The following CLCC1 variants were observed in gnomAD, a reference collection of about 807,000 sequenced individuals.
CLCC1 encodes chloride channel CLIC like 1, also known as chloride channel CLIC-like protein 1.
CLCC1 carries 39 observed loss-of-function variants against 63.3 expected under a neutral mutation model. The observed-to-expected ratio is 0.62, with a 90% CI of 0.48 to 0.81. CLCC1 has a LOEUF of 0.81. CLCC1 is among the 30% of genes least tolerant of loss of function. The probability of loss-of-function intolerance (pLI) is 0.00; values close to 1 mark genes in which losing one functional copy is unlikely to be tolerated. For synonymous variants in CLCC1, 217 were observed against 239.8 expected (o/e 0.90, Z 0.88); for missense variants, 549 against 669.4 (o/e 0.82, Z 1.98).
At chr1:108,944,656 G>A (rs1220949005) in intron 5 of CLCC1, among the ~76,000 whole-genome samples, 1 of 150,222 alleles carries the variant, frequency 6.7e-6, no homozygotes, top group Non-Finnish European at 1.5e-5. Context: ...TTTAGATGGA[G>A]TCTCACTCTG....
chr1:108,954,172 G>A (rs563688492), intron 2 of CLCC1, among the ~76,000 whole-genome samples: 2 of 151,180 alleles, frequency 1.3e-5, no homozygotes, highest in Admixed American at 6.6e-5. Context: ...GGATGGATAC[G>A]GTGAGAGGTA....
At chr1:108,962,916 T>TTTG (rs145598856) in intron 1 of CLCC1, among the ~76,000 whole-genome samples, 2 of 152,120 alleles carry the variant, frequency 1.3e-5, no homozygotes, top group Admixed American at 6.5e-5. Context: ...TGTGTCCGTT[T>TTTG]TTGTTGTTGT....
intron 5 of CLCC1, among the ~76,000 whole-genome samples, chr1:108,945,677 T>G (rs1199514929): frequency 6.6e-6 from 1 of 152,248 alleles, no homozygotes; most frequent in Non-Finnish European, 1.5e-5. Flanking sequence ...AGTTTTCAGA[T>G]AGCCTAAAAT....
At chr1:108,957,468 CCACT>C (rs1177103143) in intron 2 of CLCC1, among the ~76,000 whole-genome samples, 3 of 151,440 alleles carry the variant, frequency 2.0e-5, no homozygotes, top group Admixed American at 6.6e-5. Context: ...GGAAGGCCAC[CCACT>C]AAGTGGGAAT....
chr1:108,962,870 C>A (rs1258057055), intron 1 of CLCC1, among the ~76,000 whole-genome samples: 357 of 133,692 alleles, frequency 2.7e-3, no homozygotes, highest in South Asian at 3.3e-3. Flanking sequence ...GACTCCGTCT[C>A]AAAAAAAAAA....
At chr1:108,934,988 G>A in intron 11 of CLCC1, 46 bp from the exon 12 acceptor site, 1 of 1,525,130 alleles carries the variant, frequency 6.6e-7, no homozygotes. Flanking sequence ...GTAATGTGAA[G>A]TCTTAGTAAT....
chr1:108,952,243 A>G (rs1247812598), intron 2 of CLCC1, among the ~76,000 whole-genome samples: 1 of 152,102 alleles, frequency 6.6e-6, no homozygotes, highest in Non-Finnish European at 1.5e-5. Flanking sequence ...CAATGGCGCA[A>G]TCTCGGCTCA....
rs1651627427 is a variant in CLCC1, at chr1:108,929,908, A to T, written c.*2639T>A. ...GCAAAATAATGCTTTGTTGGAGTTT[A>T]AAAATTCAGGGAAAAAATCGGCAGA... On this transcript the variant is annotated 3_prime_UTR_variant, in exon 13 of 13. Coordinates refer to ENST00000369969, the MANE Select transcript of CLCC1 (RefSeq NM_001377458.1). The T allele has an allele frequency of 6.2e-7, 1 of 1,613,534 alleles. No homozygotes were observed. Among genetic ancestry groups the T allele is most frequent in the Non-Finnish European group, 8.5e-7 (1 of 1,179,568 alleles).
Position 108,934,834 on chromosome 1 carries a change from A to G in CLCC1, c.1492T>C (p.Ser498Pro), listed in dbSNP as rs1400836534. 1 of 1,614,066 alleles carries G rather than the reference A, an allele frequency of 6.2e-7. No individual in the cohort carries two copies. Among genetic ancestry groups the G allele is most frequent in the Admixed American group, 1.7e-5 (1 of 60,008 alleles). ...TESSQSAKPVSGQDTSGNTEG... is the reference protein window; with the variant it reads ...TESSQSAKPVPGQDTSGNTEG... ...GTATTCCCTGATGTGTCTTGGCCAGAGACAGGCTTGGCCGACTGGCTGCTT... is the reference window on the plus strand; with the variant it reads ...GTATTCCCTGATGTGTCTTGGCCAGGGACAGGCTTGGCCGACTGGCTGCTT... Residue 498 changes from serine (S) to proline (P), a missense_variant, in exon 12 of 13, where the codon TCT becomes CCT. Physicochemically the swap from Ser to Pro is moderately conservative, Grantham distance 74. Coordinates refer to ENST00000369969, the MANE Select transcript of CLCC1 (RefSeq NM_001377458.1).
At chr1:108,941,938 A>T (rs957686234) in intron 7 of CLCC1, among the ~76,000 whole-genome samples, 1 of 152,168 alleles carries the variant, frequency 6.6e-6, no homozygotes, top group Non-Finnish European at 1.5e-5. Flanking sequence ...ATAGGAAAAC[A>T]TATTATTTGT....
At chr1:108,933,173 C>T (rs373653336) in intron 12 of CLCC1, 6 of 130,284 alleles carry the variant, frequency 4.6e-5, no homozygotes, top group South Asian at 5.5e-4. Context: ...GTTACAGGCA[C>T]GTAAGTAACA....
rs1557884949 is a variant in CLCC1 at position 108,929,986 on chromosome 1, AATCT to A, written c.*2557_*2560del. On this transcript the variant is annotated 3_prime_UTR_variant, in exon 13 of 13. Transcript: ENST00000369969. Reference sequence around the variant, plus strand: ...TTCCTTTCAAACACGGTAAGGAAACAATCTATTACTTTTTTCCTTAAAAGGAGAA... The same window carrying A: ...TTCCTTTCAAACACGGTAAGGAAACAATTACTTTTTTCCTTAAAAGGAGAA... The A allele has an allele frequency of 6.4e-7, 1 of 1,550,920 alleles. No individual in the cohort carries two copies. Among genetic ancestry groups the A allele is most frequent in the Non-Finnish European group, 8.9e-7 (1 of 1,127,672 alleles).
chr1:108,954,817 CGTGTGTGTGTGTGTGTGTGTGT>C (rs58482013), intron 2 of CLCC1, among the ~76,000 whole-genome samples: 1 of 140,520 alleles, frequency 7.1e-6, no homozygotes, highest in Non-Finnish European at 1.5e-5. Flanking sequence ...ACTGTCTTTG[CGTGTGTGTGTGTGTGTGTGTGT>C]GTGTGTGTGT....
In CLCC1 at chr1:108,930,163, T is replaced by G; in HGVS notation, c.*2384A>C. Reference sequence around the variant, plus strand: ...AAGGTGCTTCATCGTCTGTGATTACTGCTTGGGATGTGTTCTTTGGCAGCT... The same window carrying G: ...AAGGTGCTTCATCGTCTGTGATTACGGCTTGGGATGTGTTCTTTGGCAGCT... On this transcript the variant is annotated 3_prime_UTR_variant, in exon 13 of 13. Coordinates refer to ENST00000369969, the MANE Select transcript of CLCC1 (RefSeq NM_001377458.1). The G allele has an allele frequency of 3.9e-6, 2 of 508,686 alleles. No individual in the cohort carries two copies. The highest frequency in any genetic ancestry group is 5.2e-4 in the Middle Eastern group (1 of 1,932). 31.5% of individuals were successfully genotyped at this position (508,686 alleles called of 1,614,324 possible).
At chr1:108,958,008 T>C (rs940551681) in intron 2 of CLCC1, among the ~76,000 whole-genome samples, 15 of 150,820 alleles carry the variant, frequency 9.9e-5, no homozygotes, top group Admixed American at 2.6e-4. Flanking sequence ...CCAAGAGAGG[T>C]TGGAATTTCA....
chr1:108,950,513 TTA>T, intron 2 of CLCC1, 65 bp from the exon 3 acceptor site: 1 of 551,896 alleles, frequency 1.8e-6, no homozygotes. Flanking sequence ...GGGTTTTGGG[TTA>T]TTATTATTAT....
chr1:108,931,869 G>T lies in CLCC1; in HGVS notation c.*678C>A. The T allele has an allele frequency of 6.1e-6, 1 of 164,416 alleles. No individual in the cohort carries two copies. Among genetic ancestry groups the T allele is most frequent in the East Asian group, 1.8e-4 (1 of 5,516 alleles). 10.2% of individuals were successfully genotyped at this position (164,416 alleles called of 1,614,324 possible). A position where few individuals can be genotyped will look rare whatever the true frequency, so the allele number is the denominator to read the frequency against. Reference sequence around the variant, plus strand: ...TTTGTACACAAAGTACAAACTTTGTGTATTATTTTGTGTATACAATAGTTC... The same window carrying T: ...TTTGTACACAAAGTACAAACTTTGTTTATTATTTTGTGTATACAATAGTTC... On this transcript the variant is annotated 3_prime_UTR_variant, in exon 13 of 13. Transcript: ENST00000369969.
rs1651901737 is a variant in CLCC1, at chr1:108,931,250, A to T, written c.*1297T>A. 1 of 1,431,338 alleles carries T rather than the reference A, an allele frequency of 7.0e-7. No individual in the cohort carries two copies. The highest frequency in any genetic ancestry group is 9.2e-7 in the Non-Finnish European group (1 of 1,081,124). The allele number at this position is 1,431,338 out of a possible 1,614,324, so 88.7% of individuals were successfully genotyped here. A position where few individuals can be genotyped will look rare whatever the true frequency, so the allele number is the denominator to read the frequency against. ...ACAGATGAAAACTCACAAAAATTAA[A>T]TATGAAAGAAAGATGTCAGCTAGAA... On this transcript the variant is annotated 3_prime_UTR_variant, in exon 13 of 13. Coordinates refer to ENST00000369969, the MANE Select transcript of CLCC1 (RefSeq NM_001377458.1).
chr1:108,931,660 T>A lies in CLCC1; in HGVS notation c.*887A>T. The stretch of plus-strand genomic sequence containing the variant: ...AAAAAAAAAGTTCTAAATTACAACC[T>A]GGATTACATTATGTTTCATGTATAC... On this transcript the variant is annotated 3_prime_UTR_variant, in exon 13 of 13. Transcript: ENST00000369969. The A allele has an allele frequency of 1.1e-6, 1 of 883,016 alleles. No homozygotes were observed. The highest frequency in any genetic ancestry group is 1.6e-6 in the Non-Finnish European group (1 of 618,844). The allele number at this position is 883,016 out of a possible 1,614,324, so 54.7% of individuals were successfully genotyped here.
Sources: allele counts gnomAD v4.1 joint callset (sites outside exome capture counted in the v4.1 genomes callset), GRCh38; gene constraint gnomAD v4.1.1; transcripts MANE v1.5; gene names NCBI Gene and HGNC (gene_info 2026-07-23, HGNC 2026-07-21).